DLG2: variants seen among roughly 807,000 people sequenced by gnomAD.
DLG2 encodes the protein disks large homolog 2.
DLG2 carries 45 observed loss-of-function variants against 132.5 expected under a neutral mutation model. The ratio of observed to expected loss-of-function variants is 0.34; its 90% CI spans 0.27 to 0.44. DLG2 has a LOEUF of 0.44. Among genes scored for constraint, DLG2 ranks in the 20% least tolerant of loss-of-function variants. The pLI is 1.00. For missense variants in DLG2, 1,045 were observed against 1,196.9 expected (o/e 0.87, Z 1.87); for synonymous variants, 424 against 419.6 (o/e 1.01, Z -0.13).
chr11:85,183,483 C>G (rs1332974871), intron 4 of DLG2, among the ~76,000 whole-genome samples: 2 of 151,810 alleles, frequency 1.3e-5, no homozygotes, highest in African/African-American at 4.8e-5. Flanking sequence ...ACTTAAGTGA[C>G]CAAGGTCCCA....
intron 4 of DLG2, among the ~76,000 whole-genome samples, chr11:85,187,408 G>A (rs2080193223): frequency 6.6e-6 from 1 of 152,016 alleles, no homozygotes. Context: ...GGGACCCACT[G>A]ACTTATCTTA....
chr11:84,671,873 T>C (rs907083084), intron 6 of DLG2, among the ~76,000 whole-genome samples: 2 of 152,000 alleles, frequency 1.3e-5, no homozygotes, highest in African/African-American at 2.4e-5. Flanking sequence ...GATTTTTTGG[T>C]TTTGAGGTTT....
chr11:83,964,419 C>T (rs893098362), intron 13 of DLG2, among the ~76,000 whole-genome samples: 5 of 151,952 alleles, frequency 3.3e-5, no homozygotes, highest in Non-Finnish European at 7.4e-5. Context: ...TAAAATTGTT[C>T]AACACATTTC....
At chr11:85,483,119 C>A (rs2093338541) in intron 3 of DLG2, among the ~76,000 whole-genome samples, 1 of 152,094 alleles carries the variant, frequency 6.6e-6, no homozygotes, top group Non-Finnish European at 1.5e-5. Context: ...TCAACCCAAA[C>A]AAGACTACAA....
chr11:83,861,848 T>C lies in DLG2; in HGVS notation c.1565+12572A>G, dbSNP rs1167418138. ...GGGTGAGTAAAGTCAATAATAATTGTACATTTTAAAATAACTCAAAGAGTA... is the reference window on the plus strand; with the variant it reads ...GGGTGAGTAAAGTCAATAATAATTGCACATTTTAAAATAACTCAAAGAGTA... On this transcript the variant is annotated intron_variant, in intron 16 of 27. Transcript: ENST00000376104. Among the ~76,000 whole-genome samples, 5 of 152,158 alleles carry C rather than the reference T, an allele frequency of 3.3e-5. No individual in the cohort carries two copies. The East Asian group carries it at 9.6e-4, about 29-fold the overall frequency.
intron 19 of DLG2, among the ~76,000 whole-genome samples, chr11:83,572,107 G>T (rs773489922): frequency 2.0e-5 from 3 of 151,866 alleles, no homozygotes; most frequent in Non-Finnish European, 4.4e-5. Context: ...ATATTTTTCT[G>T]TATCCTCCTA....
intron 3 of DLG2, among the ~76,000 whole-genome samples, chr11:85,518,326 G>C (rs1357399423): frequency 6.6e-6 from 1 of 152,180 alleles, no homozygotes; most frequent in East Asian, 1.9e-4. Flanking sequence ...ATAAGGTCCA[G>C]GCTGAGGTGG....
At chr11:84,689,031 C>G (rs559886190) in intron 6 of DLG2, among the ~76,000 whole-genome samples, 1 of 152,152 alleles carries the variant, frequency 6.6e-6, no homozygotes, top group African/African-American at 2.4e-5. Flanking sequence ...AGACTATCTA[C>G]GTAAAACGCT....
At chr11:84,891,581 T>C (rs2089401841) in intron 6 of DLG2, among the ~76,000 whole-genome samples, 1 of 152,158 alleles carries the variant, frequency 6.6e-6, no homozygotes, top group Non-Finnish European at 1.5e-5. Context: ...AATTCTTGAA[T>C]TTTAATTTAA....
intron 3 of DLG2, among the ~76,000 whole-genome samples, chr11:85,371,838 T>A (rs1316520759): frequency 1.3e-5 from 2 of 152,200 alleles, no homozygotes; most frequent in Non-Finnish European, 2.9e-5. Context: ...CACACTTCCA[T>A]CAAAGCCAGT....
At chr11:84,358,569 G>A (rs2098631539) in intron 7 of DLG2, among the ~76,000 whole-genome samples, 2 of 151,540 alleles carry the variant, frequency 1.3e-5, no homozygotes, top group African/African-American at 2.4e-5. Flanking sequence ...TTCTCTCTAG[G>A]TTATTTGGAA....
intron 18 of DLG2, among the ~76,000 whole-genome samples, chr11:83,656,223 C>T (rs2072380669): frequency 6.6e-6 from 1 of 152,168 alleles, no homozygotes; most frequent in Admixed American, 6.5e-5. Context: ...AATCTCATTC[C>T]AATGAAACAT....
At chr11:83,618,288 A>G (rs1389197947) in intron 19 of DLG2, among the ~76,000 whole-genome samples, 7 of 152,176 alleles carry the variant, frequency 4.6e-5, no homozygotes, top group Admixed American at 2.6e-4. Context: ...TAAAATATAT[A>G]TCACTAGATT....
intron 3 of DLG2, among the ~76,000 whole-genome samples, chr11:85,363,171 G>A (rs2084288877): frequency 6.6e-6 from 1 of 152,232 alleles, no homozygotes; most frequent in South Asian, 2.1e-4. Context: ...TGAAGAGTAA[G>A]TGAAACCATC....
At chr11:83,538,192 T>G (rs189974373) in intron 20 of DLG2, among the ~76,000 whole-genome samples, 1 of 152,350 alleles carries the variant, frequency 6.6e-6, no homozygotes, top group Admixed American at 6.5e-5. Flanking sequence ...ATGTCACTTC[T>G]CATTACTGGT....
At chr11:83,948,343 C>T (rs1329732657) in intron 14 of DLG2, among the ~76,000 whole-genome samples, 1 of 152,084 alleles carries the variant, frequency 6.6e-6, no homozygotes, top group Non-Finnish European at 1.5e-5. Flanking sequence ...GACACCCTCA[C>T]AACCACAGCT....
intron 11 of DLG2, among the ~76,000 whole-genome samples, chr11:83,993,203 T>C (rs1010667753): frequency 6.6e-6 from 1 of 152,178 alleles, no homozygotes; most frequent in African/African-American, 2.4e-5. Context: ...AAATAGACTA[T>C]GTTAGCACAG....
chr11:83,990,051 C>G (rs1430338444), intron 11 of DLG2, among the ~76,000 whole-genome samples: 1 of 152,086 alleles, frequency 6.6e-6, no homozygotes, highest in Non-Finnish European at 1.5e-5. Flanking sequence ...ATAACACCAC[C>G]TACTGTGGAA....
intron 4 of DLG2, among the ~76,000 whole-genome samples, chr11:85,259,680 A>T (rs899050163): frequency 4.6e-5 from 7 of 151,790 alleles, no homozygotes; most frequent in African/African-American, 1.7e-4. Flanking sequence ...ACTCCTATAA[A>T]GCTTCCCATC....
Sources: allele counts gnomAD v4.1 joint callset (sites outside exome capture counted in the v4.1 genomes callset), GRCh38; gene constraint gnomAD v4.1.1; transcripts MANE v1.5; gene names NCBI Gene and HGNC (gene_info 2026-07-23, HGNC 2026-07-21).